The following CNBD1 variants were observed in gnomAD, a reference collection of about 807,000 sequenced individuals.
The protein encoded by CNBD1 is cyclic nucleotide-binding domain-containing protein 1.
Under a neutral mutation model 54.4 loss-of-function variants are expected in CNBD1, and 71 were observed. That is an observed-to-expected ratio of 1.30 (90% CI 1.08 to 1.59). The LOEUF (loss-of-function observed/expected upper bound fraction) is 1.59. Among genes scored for constraint, CNBD1 ranks in the 40% most tolerant of loss-of-function variants. The probability of loss-of-function intolerance (pLI) is 0.00; values close to 1 mark genes in which losing one functional copy is unlikely to be tolerated. For missense variants in CNBD1, 659 were observed against 518.0 expected, an observed-to-expected ratio of 1.27 and a Z score of -2.64; for synonymous variants, 182 against 170.7, an observed-to-expected ratio of 1.07 and a Z score of -0.51.
chr8:87,089,131 A>C (rs1447976369), intron 4 of CNBD1, among the ~76,000 whole-genome samples: 2 of 152,170 alleles, frequency 1.3e-5, no homozygotes, highest in Non-Finnish European at 2.9e-5. Flanking sequence ...AGGGAAAGGC[A>C]GAAAATATCA....
At chr8:87,290,632 G>A (rs1808768383) in intron 8 of CNBD1, among the ~76,000 whole-genome samples, 1 of 152,000 alleles carries the variant, frequency 6.6e-6, no homozygotes, top group Admixed American at 6.6e-5. Context: ...ACTTTTTTTA[G>A]TATTTCTTTG....
At chr8:86,902,392 A>G (rs1260443057) in intron 2 of CNBD1, among the ~76,000 whole-genome samples, 1 of 152,126 alleles carries the variant, frequency 6.6e-6, no homozygotes, top group Non-Finnish European at 1.5e-5. Context: ...GTAGAAAACT[A>G]CAGGATCTGA....
intron 4 of CNBD1, among the ~76,000 whole-genome samples, chr8:87,055,220 CAG>C (rs1563451482): frequency 6.6e-6 from 1 of 152,180 alleles, no homozygotes; most frequent in African/African-American, 2.4e-5. Flanking sequence ...CTCTCCACAG[CAG>C]AGAGGGGTCC....
intron 4 of CNBD1, among the ~76,000 whole-genome samples, chr8:87,113,791 C>T (rs1381214112): frequency 3.3e-5 from 5 of 151,838 alleles, no homozygotes; most frequent in African/African-American, 7.2e-5. Context: ...TGGTGGCAGG[C>T]GCCTGTAGTC....
intron 4 of CNBD1, among the ~76,000 whole-genome samples, chr8:87,042,678 AT>A (rs1563446880): frequency 6.6e-6 from 1 of 152,128 alleles, no homozygotes; most frequent in South Asian, 2.1e-4. Context: ...TGTTATATTC[AT>A]CTGTTTTCAG....
chr8:87,169,488 A>T (rs1813040981), intron 4 of CNBD1, among the ~76,000 whole-genome samples: 1 of 152,016 alleles, frequency 6.6e-6, no homozygotes, highest in South Asian at 2.1e-4. Context: ...CGCCCACCCT[A>T]ACCTCCTCGA....
At chr8:87,039,781 T>G (rs571663377) in intron 4 of CNBD1, among the ~76,000 whole-genome samples, 2 of 152,188 alleles carry the variant, frequency 1.3e-5, no homozygotes, top group South Asian at 4.1e-4. Flanking sequence ...ACTGGAGTGC[T>G]GACTGGTTGG....
intron 4 of CNBD1, among the ~76,000 whole-genome samples, chr8:87,091,777 G>T (rs1348519752): frequency 6.7e-6 from 1 of 149,276 alleles, no homozygotes; most frequent in South Asian, 2.1e-4. Context: ...GTGTAAAGGA[G>T]GTAGAGCAAT....
downstream of CNBD1, among the ~76,000 whole-genome samples, chr8:87,383,537 C>T (rs1811130256): frequency 6.6e-6 from 1 of 152,066 alleles, no homozygotes; most frequent in African/African-American, 2.4e-5. Context: ...GTCTGCCTTC[C>T]AGTCATTTCC....
At chr8:86,960,651 G>A (rs1221650855) in intron 4 of CNBD1, among the ~76,000 whole-genome samples, 2 of 152,148 alleles carry the variant, frequency 1.3e-5, no homozygotes, top group Non-Finnish European at 2.9e-5. Flanking sequence ...CTCCCAGCAC[G>A]GAGCTGGAGA....
intron 2 of CNBD1, among the ~76,000 whole-genome samples, chr8:87,395,487 A>T (rs2130972949): frequency 6.6e-6 from 1 of 152,050 alleles, no homozygotes; most frequent in East Asian, 1.9e-4. Flanking sequence ...AAAATGCTAC[A>T]ATAAAGGTTT....
intron 3 of CNBD1, among the ~76,000 whole-genome samples, chr8:86,921,720 C>A (rs1809278481): frequency 1.3e-5 from 2 of 152,158 alleles, no homozygotes; most frequent in Admixed American, 6.5e-5. Context: ...TATCTCCCAC[C>A]AGGTCTCTCC....
chr8:87,109,540 C>CTTTCTT (rs1554555995), intron 4 of CNBD1, among the ~76,000 whole-genome samples: 5 of 107,968 alleles, frequency 4.6e-5, no homozygotes, highest in African/African-American at 1.2e-4. Flanking sequence ...TTCTTTCTTT[C>CTTTCTT]TTTTTTTTTT....
intron 5 of CNBD1, among the ~76,000 whole-genome samples, chr8:87,228,420 G>T (rs1412839464): frequency 3.4e-5 from 5 of 148,760 alleles, no homozygotes; most frequent in African/African-American, 7.8e-5. Context: ...TGGGTTTTTG[G>T]TGTGGATGTC....
chr8:86,939,200 T>C (rs1315259540), intron 3 of CNBD1, among the ~76,000 whole-genome samples: 1 of 152,058 alleles, frequency 6.6e-6, no homozygotes, highest in Non-Finnish European at 1.5e-5. Context: ...AAAAGTTAAA[T>C]AATATAATTT....
intron 4 of CNBD1, among the ~76,000 whole-genome samples, chr8:86,941,979 C>T (rs1807329964): frequency 6.6e-6 from 1 of 152,082 alleles, no homozygotes; most frequent in Non-Finnish European, 1.5e-5. Context: ...AATTGGGCAG[C>T]CAGGACTTTG....
In CNBD1 at chr8:87,413,045, G is replaced by A. The variant is rs560829856; in HGVS notation, c.214-15501G>A. On this transcript the variant is annotated intron_variant, in intron 2 of 7. Transcript: ENST00000521593. ...CGGGTTTAGGTCTAGAATATAGGAGGGTATGTATTCTAAAAGATTTAGGGG... is the reference window on the plus strand; with the variant it reads ...CGGGTTTAGGTCTAGAATATAGGAGAGTATGTATTCTAAAAGATTTAGGGG... Among the ~76,000 whole-genome samples, 14 of 151,974 alleles carry A rather than the reference G, an allele frequency of 9.2e-5. No homozygotes were observed. In the South Asian group the frequency reaches 1.9e-3, roughly 20 times the overall value.
At chr8:87,251,863 TA>T (rs940472834) in intron 6 of CNBD1, among the ~76,000 whole-genome samples, 5 of 152,062 alleles carry the variant, frequency 3.3e-5, no homozygotes, top group Admixed American at 1.3e-4. Context: ...TTTATCTTTT[TA>T]AAAAAATACA....
chr8:86,925,729 C>T (rs1289904030), intron 3 of CNBD1, among the ~76,000 whole-genome samples: 2 of 29,748 alleles, frequency 6.7e-5, no homozygotes, highest in African/African-American at 2.4e-4. Context: ...GAAAAAAATA[C>T]CAAAAAAAAA....
Sources: allele counts gnomAD v4.1 joint callset (sites outside exome capture counted in the v4.1 genomes callset), GRCh38; gene constraint gnomAD v4.1.1; transcripts MANE v1.5; gene names NCBI Gene and HGNC (gene_info 2026-07-23, HGNC 2026-07-21).